Variants in SLC25A31 observed in about 807,000 individuals in gnomAD.
The protein encoded by SLC25A31 is solute carrier family 25 member 31.
SLC25A31 carries 40 observed loss-of-function variants against 36.2 expected under a neutral mutation model. That is an observed-to-expected ratio of 1.10 (90% CI 0.86 to 1.44). The LOEUF is 1.44. Among genes scored for constraint, SLC25A31 ranks in the 40% most tolerant of loss-of-function variants. The pLI is 0.00. For synonymous variants in SLC25A31, 143 were observed against 149.7 expected, an observed-to-expected ratio of 0.96 and a Z score of 0.32; for missense variants, 350 against 397.1, an observed-to-expected ratio of 0.88 and a Z score of 1.01.
chr4:127,757,217 A>C (rs1732047539), intron 2 of SLC25A31, among the ~76,000 whole-genome samples: 1 of 152,212 alleles, frequency 6.6e-6, no homozygotes, highest in Non-Finnish European at 1.5e-5. Context: ...GGGTTTGGGC[A>C]TCTGTTGAAC....
Position 127,764,341 on chromosome 4 carries a change from A to G in SLC25A31, c.459A>G (p.Leu153=). 1 of 1,613,232 alleles carries G rather than the reference A, an allele frequency of 6.2e-7. No individual in the cohort carries two copies. Among genetic ancestry groups the G allele is most frequent in the Non-Finnish European group, 8.5e-7 (1 of 1,179,488 alleles). The change falls in exon 3 of 6, where the codon TTA becomes TTG. Residue 153 remains leucine, a synonymous_variant. Coordinates refer to ENST00000281154, the MANE Select transcript of SLC25A31 (RefSeq NM_031291.4). ...VYPLDFARTR[L]GVDIGKGPEE... is the part of the protein sequence containing the mutation. ...CTCTAGATTTTGCCCGAACCCGATT[A>G]GGTGTCGATATTGGAAAAGGTATGA...
At chr4:127,748,854 T>C (rs1315553611) in intron 2 of SLC25A31, among the ~76,000 whole-genome samples, 1 of 152,070 alleles carries the variant, frequency 6.6e-6, no homozygotes, top group Non-Finnish European at 1.5e-5. Flanking sequence ...AATACAAGGC[T>C]ACATGGATAA....
chr4:127,767,669 T>C (rs1309891960), intron 4 of SLC25A31, among the ~76,000 whole-genome samples: 1 of 147,738 alleles, frequency 6.8e-6, no homozygotes, highest in Non-Finnish European at 1.5e-5. Context: ...ATCTACCGGA[T>C]ACTGTTAGAT....
intron 5 of SLC25A31, among the ~76,000 whole-genome samples, 188 bp from the exon 6 acceptor site, chr4:127,773,198 G>C (rs1470299192): frequency 6.6e-6 from 1 of 152,128 alleles, no homozygotes. Context: ...CTAATGTATG[G>C]TCAGTTTTCA....
At chr4:127,739,201 A>G (rs1054388154) in intron 1 of SLC25A31, among the ~76,000 whole-genome samples, 2 of 152,080 alleles carry the variant, frequency 1.3e-5, no homozygotes, top group African/African-American at 2.4e-5. Context: ...TCTCTTGGCT[A>G]TGTTAACAGT....
At chr4:127,738,378 A>G (rs1269360584) in intron 1 of SLC25A31, among the ~76,000 whole-genome samples, 1 of 152,140 alleles carries the variant, frequency 6.6e-6, no homozygotes, top group East Asian at 1.9e-4. Flanking sequence ...GTGAGCCACC[A>G]CGCCTGGCCC....
rs542822232 is a variant in SLC25A31 at position 127,768,878 on chromosome 4, G to A, written c.759+1G>A. The A allele has an allele frequency of 1.9e-6, 3 of 1,581,980 alleles. No individual in the cohort carries two copies. Among genetic ancestry groups the A allele is most frequent in the Non-Finnish European group, 1.7e-6 (2 of 1,169,128 alleles). On this transcript the variant is annotated splice_donor_variant, in intron 5 of 5. Transcript: ENST00000281154. LOFTEE classifies it high-confidence loss of function. Reference sequence around the variant, plus strand: ...AGTTAGAAGACGTATGATGATGCAGGTATTTTATGTTATTGTTTCTAAGCT... The same window carrying A: ...AGTTAGAAGACGTATGATGATGCAGATATTTTATGTTATTGTTTCTAAGCT...
chr4:127,756,464 TCAAAGGGTA>T (rs1347963012), intron 2 of SLC25A31, among the ~76,000 whole-genome samples: 1 of 152,156 alleles, frequency 6.6e-6, no homozygotes, highest in Non-Finnish European at 1.5e-5. Context: ...TAGATGTTGC[TCAAAGGGTA>T]CAAAGTTTCA....
chr4:127,743,067 A>G (rs919689833), intron 1 of SLC25A31, among the ~76,000 whole-genome samples: 1 of 151,744 alleles, frequency 6.6e-6, no homozygotes, highest in Non-Finnish European at 1.5e-5. Context: ...GGAGTCAGAC[A>G]GAAAGCCTGA....
Position 127,764,288 on chromosome 4 carries a change from G to A in SLC25A31, c.406G>A (p.Gly136Arg). Residue 136 changes from glycine (G) to arginine (R), a missense_variant, in exon 3 of 6, where the codon GGG becomes AGG. Transcript: ENST00000281154. The stretch of plus-strand genomic sequence containing the variant: ...AAACCTGGCTTCTGGTGGAGCTGCT[G>A]GGGCAACATCCTTATGTGTAGTATA... ...LANLASGGAA[G>R]ATSLCVVYPL... is the part of the protein sequence containing the mutation. The A allele has an allele frequency of 6.2e-7, 1 of 1,613,918 alleles. No individual in the cohort carries two copies. The highest frequency in any genetic ancestry group is 2.2e-5 in the East Asian group (1 of 44,878).
chr4:127,767,903 C>T (rs1010888653), intron 4 of SLC25A31, among the ~76,000 whole-genome samples: 14 of 147,680 alleles, frequency 9.5e-5, no homozygotes, highest in African/African-American at 3.7e-4. Context: ...CCCCAAAAAA[C>T]CTATTGAAAT....
rs1732416932 is a variant in SLC25A31 at position 127,773,851 on chromosome 4, AAATT to A, written c.*281_*284del. ...AGTTTAAAATTCTTTTTATGATTAA[AAATT>A]AATCATATAATCCTAGATTAATGCT... is the stretch of plus-strand genomic sequence containing the variant. On this transcript the variant is annotated 3_prime_UTR_variant, in exon 6 of 6. Coordinates refer to ENST00000281154, the MANE Select transcript of SLC25A31 (RefSeq NM_031291.4). 4.2e-6 allele frequency: 1 copy of A among 237,770 alleles called. No individual in the cohort carries two copies. The highest frequency in any genetic ancestry group is 5.5e-5 in the Admixed American group (1 of 18,214). The allele number at this position is 237,770 out of a possible 1,614,324, so 14.7% of individuals were successfully genotyped here.
chr4:127,740,719 C>G (rs1428815513), intron 1 of SLC25A31, among the ~76,000 whole-genome samples: 1 of 152,144 alleles, frequency 6.6e-6, no homozygotes, highest in Non-Finnish European at 1.5e-5. Context: ...CTGAGAAGGC[C>G]TCCTCCACAC....
intron 2 of SLC25A31, among the ~76,000 whole-genome samples, chr4:127,746,384 C>T (rs1385153743): frequency 6.6e-6 from 1 of 152,084 alleles, no homozygotes; most frequent in African/African-American, 2.4e-5. Context: ...CACAATGGTC[C>T]AGCTAATTTA....
At chr4:127,735,201 A>G (rs1258649830) in intron 1 of SLC25A31, among the ~76,000 whole-genome samples, 1 of 152,178 alleles carries the variant, frequency 6.6e-6, no homozygotes, top group Non-Finnish European at 1.5e-5. Flanking sequence ...ATGACAGTCT[A>G]ATTGGACCTG....
chr4:127,772,316 T>C (rs1430394559), intron 5 of SLC25A31, among the ~76,000 whole-genome samples: 4 of 152,216 alleles, frequency 2.6e-5, no homozygotes, highest in African/African-American at 9.6e-5. Context: ...TAGGAATTTA[T>C]CCATTTCTTA....
chr4:127,754,068 T>C (rs1731985842), intron 2 of SLC25A31, among the ~76,000 whole-genome samples: 1 of 152,020 alleles, frequency 6.6e-6, no homozygotes, highest in African/African-American at 2.4e-5. Flanking sequence ...AGCATCTGAG[T>C]AGATGTCAGA....
intron 2 of SLC25A31, among the ~76,000 whole-genome samples, chr4:127,761,105 G>A (rs1732120374): frequency 6.6e-6 from 1 of 152,090 alleles, no homozygotes. Context: ...CACTCAGCAT[G>A]GGCAGATTCT....
At chr4:127,737,488 T>C (rs142454084) in intron 1 of SLC25A31, among the ~76,000 whole-genome samples, 2 of 152,332 alleles carry the variant, frequency 1.3e-5, no homozygotes, top group East Asian at 3.9e-4. Flanking sequence ...TTTCCAGATG[T>C]CTTTATCATT....
Sources: allele counts gnomAD v4.1 joint callset (sites outside exome capture counted in the v4.1 genomes callset), GRCh38; gene constraint gnomAD v4.1.1; transcripts MANE v1.5; gene names NCBI Gene and HGNC (gene_info 2026-07-23, HGNC 2026-07-21).